The following SLC37A1 variants were observed in gnomAD, a reference collection of about 807,000 sequenced individuals.
The protein encoded by SLC37A1 is solute carrier family 37 member 1, also known as glucose-6-phosphate exchanger SLC37A1.
A neutral mutation model predicts 75.3 loss-of-function variants in SLC37A1; 49 were observed. The observed-to-expected ratio is 0.65, with a 90% CI of 0.52 to 0.83. The LOEUF is 0.83. SLC37A1 is among the 40% of genes least tolerant of loss of function. The pLI, the probability that SLC37A1 is intolerant of heterozygous loss-of-function variation, is 0.00. For synonymous variants in SLC37A1, 268 were observed against 292.1 expected (o/e 0.92, Z 0.84); for missense variants, 566 against 695.0 (o/e 0.81, Z 2.09).
chr21:42,577,535 A>T (rs1370159312), intron 18 of SLC37A1, among the ~76,000 whole-genome samples: 1 of 152,248 alleles, frequency 6.6e-6, no homozygotes, highest in Non-Finnish European at 1.5e-5. Context: ...TGAGAGTTCC[A>T]GTACACTGCA....
chr21:42,520,646 C>CGT (rs949578250), intron 2 of SLC37A1, among the ~76,000 whole-genome samples: 5 of 151,454 alleles, frequency 3.3e-5, no homozygotes, highest in Non-Finnish European at 7.4e-5. Flanking sequence ...TGTGTGTGTG[C>CGT]GTGTGTGTGG....
chr21:42,506,945 C>T (rs953109001), intron 2 of SLC37A1, among the ~76,000 whole-genome samples: 6 of 152,072 alleles, frequency 3.9e-5, no homozygotes, highest in African/African-American at 7.2e-5. Context: ...TGCAGTGGTG[C>T]GATCTCAGCT....
At position 42,548,711 on chromosome 21, in the gene SLC37A1, C is replaced by A. The variant is rs999603690; in HGVS notation, c.768+1571C>A. On this transcript the variant is annotated intron_variant, in intron 9 of 19. Coordinates refer to ENST00000352133, the MANE Select transcript of SLC37A1 (RefSeq NM_001320537.2). This position sits in a 1 kb window ranked among gnomAD's most constrained non-coding sequence, Gnocchi z 5.6. The stretch of plus-strand genomic sequence containing the variant: ...TGATACAGACGCCAGAGCACATCAG[C>A]CCTTGCACAACACAGTCCAGTGGCT... Among the ~76,000 whole-genome samples, 3 of 152,216 alleles carry A rather than the reference C, an allele frequency of 2.0e-5. No homozygotes were observed. The highest frequency in any genetic ancestry group is 7.2e-5 in the African/African-American group (3 of 41,458).
intron 10 of SLC37A1, among the ~76,000 whole-genome samples, chr21:42,557,100 G>A (rs2055709887): frequency 1.3e-5 from 2 of 152,228 alleles, no homozygotes; most frequent in Admixed American, 1.3e-4. Context: ...CTTCTGTGTT[G>A]ACCTGCGGTC....
chr21:42,577,223 G>T (rs1486582273), intron 18 of SLC37A1, among the ~76,000 whole-genome samples: 1 of 151,576 alleles, frequency 6.6e-6, no homozygotes, highest in African/African-American at 2.4e-5. Flanking sequence ...AAAAAAAAGT[G>T]ATATTCCTAA....
chr21:42,511,065 C>G (rs2054428358), upstream of SLC37A1, among the ~76,000 whole-genome samples: 3 of 152,204 alleles, frequency 2.0e-5, no homozygotes, highest in Admixed American at 2.0e-4. Flanking sequence ...ACAGAACATT[C>G]TCTAGGATAG....
upstream of SLC37A1, among the ~76,000 whole-genome samples, chr21:42,513,412 C>T (rs558201043): frequency 6.6e-5 from 10 of 152,346 alleles, no homozygotes; most frequent in South Asian, 2.1e-3. Flanking sequence ...CATGATTGTG[C>T]CCCTTGACAT....
chr21:42,534,592 G>T, intron 3 of SLC37A1, 106 bp from the exon 4 acceptor site: 1 of 1,414,412 alleles, frequency 7.1e-7, no homozygotes. Context: ...AGGTGCCCTG[G>T]GCAGGCTGCT....
chr21:42,555,603 T>C (rs2055668698), intron 10 of SLC37A1, among the ~76,000 whole-genome samples: 1 of 145,838 alleles, frequency 6.9e-6, no homozygotes, highest in African/African-American at 2.7e-5. Context: ...AAACAAATCA[T>C]GTCCCAGTGT....
Position 42,580,668 on chromosome 21 carries a change from C to G in SLC37A1, c.*308C>G, listed in dbSNP as rs569663100. 1.6e-5 allele frequency: 5 copies of G among 313,976 alleles called. No homozygotes were observed. The highest frequency in any genetic ancestry group is 1.2e-4 in the African/African-American group (5 of 40,526). 19.4% of individuals were successfully genotyped at this position (313,976 alleles called of 1,614,324 possible). A position where few individuals can be genotyped will look rare whatever the true frequency, so the allele number is the denominator to read the frequency against. The stretch of plus-strand genomic sequence containing the variant: ...AGCCACCCAAATGCACGCGTGACAA[C>G]AAGGCCGGGAGGGTGGGGGGGGTGC... On this transcript the variant is annotated 3_prime_UTR_variant, in exon 20 of 20. Coordinates refer to ENST00000352133, the MANE Select transcript of SLC37A1 (RefSeq NM_001320537.2).
intron 2 of SLC37A1, among the ~76,000 whole-genome samples, chr21:42,524,447 A>C (rs2054730177): frequency 1.3e-5 from 2 of 152,128 alleles, no homozygotes; most frequent in Non-Finnish European, 2.9e-5. Flanking sequence ...GGGGCTTTGT[A>C]CCAGTGTTTC....
At chr21:42,544,839 G>C (rs1029967685) in intron 8 of SLC37A1, among the ~76,000 whole-genome samples, 1 of 152,216 alleles carries the variant, frequency 6.6e-6, no homozygotes, top group Non-Finnish European at 1.5e-5. Flanking sequence ...CGCTCCAAGT[G>C]TTTGAGACAC....
In SLC37A1 at chr21:42,573,609, A is replaced by G. The variant is rs551715066; in HGVS notation, c.1424-1209A>G. ...TGTTTACCTGGAAGTTCTGAGAATT[A>G]AAAAAAAAAACATACAATTGCTCCT... On this transcript the variant is annotated intron_variant, in intron 17 of 19. Transcript: ENST00000352133. Among the ~76,000 whole-genome samples, 7 of 148,142 alleles carry G rather than the reference A, an allele frequency of 4.7e-5. No individual in the cohort carries two copies. The East Asian group carries it at 1.4e-3, about 29-fold the overall frequency.
chr21:42,563,417 T>G (rs772676264), intron 12 of SLC37A1, among the ~76,000 whole-genome samples: 1 of 152,188 alleles, frequency 6.6e-6, no homozygotes, highest in Non-Finnish European at 1.5e-5. Flanking sequence ...CAAAACCTCA[T>G]GGAGGGCACC....
intron 17 of SLC37A1, among the ~76,000 whole-genome samples, chr21:42,569,576 T>C (rs2056074740): frequency 6.8e-6 from 1 of 146,242 alleles, no homozygotes; most frequent in Admixed American, 6.8e-5. Context: ...CCTTGAGTCT[T>C]TGCCCAGATA....
chr21:42,518,115 T>C (rs1222460811), intron 1 of SLC37A1, among the ~76,000 whole-genome samples, 162 bp from the exon 2 acceptor site: 1 of 152,202 alleles, frequency 6.6e-6, no homozygotes, highest in Non-Finnish European at 1.5e-5. Context: ...ACTCCCCCTC[T>C]TCCTAGTAAC....
intron 3 of SLC37A1, 88 bp downstream of exon 3, chr21:42,525,945 A>C: frequency 1.1e-6 from 1 of 931,496 alleles, no homozygotes; most frequent in Non-Finnish European, 1.7e-6. Context: ...GGATGGTAGC[A>C]GGTACATGGG....
intron 17 of SLC37A1, among the ~76,000 whole-genome samples, chr21:42,569,501 TCGTGCCG>T (rs56018025): frequency 0.66 from 97,648 of 147,074 alleles, 33,149 homozygotes; most frequent in African/African-American, 0.81. Context: ...CCGCACTCCC[TCGTGCCG>T]CACTCCCTCG....
intron 13 of SLC37A1, among the ~76,000 whole-genome samples, chr21:42,564,246 C>T (rs1291394098): frequency 1.4e-5 from 1 of 69,146 alleles, no homozygotes; most frequent in Non-Finnish European, 3.7e-5. Context: ...AAAAGCATAG[C>T]TGGGTGTGGT....
Sources: gnomAD v4.1 joint callset for allele counts (sites outside exome capture counted in the v4.1 genomes callset) on GRCh38, gnomAD v4.1.1 for gene constraint, Gnocchi (gnomAD v3.1) non-coding constraint, MANE v1.5 for transcripts, NCBI Gene and HGNC (gene_info 2026-07-23, HGNC 2026-07-21) for gene names.